The following SCAI variants were observed in gnomAD, a reference collection of about 807,000 sequenced individuals.
SCAI encodes suppressor of cancer cell invasion.
In SCAI, 24 loss-of-function variants were observed where a neutral mutation model predicts 92.2. The ratio of observed to expected loss-of-function variants is 0.26; its 90% CI spans 0.19 to 0.37. The LOEUF is 0.37. Among genes scored for constraint, SCAI ranks in the 10% least tolerant of loss-of-function variants. SCAI has a pLI of 1.00. For synonymous variants in SCAI, 261 were observed against 258.6 expected (o/e 1.01, Z -0.09); for missense variants, 450 against 736.2 (o/e 0.61, Z 4.50).
At chr9:125,036,957 C>T (rs1229433158) in intron 3 of SCAI, among the ~76,000 whole-genome samples, 3 of 152,078 alleles carry the variant, frequency 2.0e-5, no homozygotes, top group Non-Finnish European at 4.4e-5. Flanking sequence ...CTTACCTCTT[C>T]AAAACATTTT....
chr9:124,948,762 G>A lies in SCAI; in HGVS notation c.*4045C>T, dbSNP rs1222409865. Reference sequence around the variant, plus strand: ...CTATGTTGTTTACAGTGATAGTTAAGAGAGATGAGAGACTATCAGAATCTC... The same window carrying A: ...CTATGTTGTTTACAGTGATAGTTAAAAGAGATGAGAGACTATCAGAATCTC... On this transcript the variant is annotated 3_prime_UTR_variant, in exon 18 of 18. Transcript: ENST00000336505. 1 of 152,206 alleles carries A rather than the reference G, an allele frequency of 6.6e-6. No homozygotes were observed. The highest frequency in any genetic ancestry group is 1.5e-5 in the Non-Finnish European group (1 of 68,038). The allele number at this position is 152,206 out of a possible 1,614,324, so 9.4% of individuals were successfully genotyped here. A position where few individuals can be genotyped will look rare whatever the true frequency, so the allele number is the denominator to read the frequency against.
chr9:125,042,863 T>G (rs990633547), intron 3 of SCAI, among the ~76,000 whole-genome samples: 50 of 104,862 alleles, frequency 4.8e-4, no homozygotes, highest in East Asian at 3.5e-3. Context: ...CCTGGCTTTT[T>G]TTTTTTTTTT....
intron 2 of SCAI, among the ~76,000 whole-genome samples, chr9:125,109,618 A>T (rs1834890851): frequency 1.3e-5 from 2 of 152,172 alleles, no homozygotes; most frequent in Admixed American, 6.5e-5. Flanking sequence ...GCCCAAATGA[A>T]CTACTGAAGC....
At chr9:124,976,880 CT>C (rs1056203460) in intron 14 of SCAI, among the ~76,000 whole-genome samples, 38 of 146,822 alleles carry the variant, frequency 2.6e-4, no homozygotes, top group Non-Finnish European at 2.1e-4. Context: ...ATACCATGTT[CT>C]TTTTTTTTTT....
chr9:125,081,265 A>G (rs1834210961), intron 2 of SCAI, among the ~76,000 whole-genome samples: 1 of 152,226 alleles, frequency 6.6e-6, no homozygotes, highest in African/African-American at 2.4e-5. Flanking sequence ...AGAAGAAGAC[A>G]GGAAAATGTG....
At chr9:124,997,132 A>T (rs1260027341) in intron 13 of SCAI, among the ~76,000 whole-genome samples, 1 of 152,136 alleles carries the variant, frequency 6.6e-6, no homozygotes, top group Non-Finnish European at 1.5e-5. Flanking sequence ...CAGTATTCCT[A>T]ATCTGAAAAT....
chr9:125,017,022 A>G (rs958140432), intron 9 of SCAI, among the ~76,000 whole-genome samples: 1 of 152,122 alleles, frequency 6.6e-6, no homozygotes, highest in African/African-American at 2.4e-5. Flanking sequence ...GCAAGACAAG[A>G]GTAGGAGAAG....
At chr9:125,138,659 C>T (rs1253066815) in intron 2 of SCAI, among the ~76,000 whole-genome samples, 2 of 152,072 alleles carry the variant, frequency 1.3e-5, no homozygotes, top group Non-Finnish European at 2.9e-5. Context: ...TGTGATCCGC[C>T]CGCCTTGGCC....
intron 5 of SCAI, among the ~76,000 whole-genome samples, chr9:125,028,038 A>G (rs2131085629): frequency 6.6e-6 from 1 of 152,332 alleles, no homozygotes; most frequent in South Asian, 2.1e-4. Flanking sequence ...AAAACCATTC[A>G]TTCACATATA....
At chr9:125,108,900 G>A (rs1834874499) in intron 2 of SCAI, among the ~76,000 whole-genome samples, 2 of 152,224 alleles carry the variant, frequency 1.3e-5, no homozygotes, top group South Asian at 2.1e-4. Flanking sequence ...TGACGATGGC[G>A]GTTTTGTCAA....
At chr9:125,067,675 A>G (rs574421301) in intron 2 of SCAI, among the ~76,000 whole-genome samples, 1 of 152,156 alleles carries the variant, frequency 6.6e-6, no homozygotes, top group Non-Finnish European at 1.5e-5. Context: ...CCAGCTTGTC[A>G]TTTCTCATTT....
intron 2 of SCAI, among the ~76,000 whole-genome samples, chr9:125,058,647 C>T (rs764642463): frequency 2.6e-5 from 4 of 152,180 alleles, no homozygotes; most frequent in South Asian, 2.1e-4. Context: ...CTACTGAGAG[C>T]GCCTTGGAGC....
chr9:124,960,693 A>G (rs1831419511), intron 17 of SCAI, among the ~76,000 whole-genome samples: 1 of 152,232 alleles, frequency 6.6e-6, no homozygotes, highest in South Asian at 2.1e-4. Flanking sequence ...AGGAGGATAG[A>G]AGGAACAATC....
chr9:125,034,561 C>A (rs1298340788), intron 3 of SCAI, among the ~76,000 whole-genome samples: 1 of 152,030 alleles, frequency 6.6e-6, no homozygotes, highest in Non-Finnish European at 1.5e-5. Context: ...CATGGCAAAA[C>A]ACAGTCTCTA....
chr9:125,073,339 C>T (rs372033788), intron 2 of SCAI, among the ~76,000 whole-genome samples: 2 of 151,256 alleles, frequency 1.3e-5, no homozygotes, highest in East Asian at 3.9e-4. Flanking sequence ...CTCCTGACCT[C>T]GTGATCCACC....
chr9:124,998,616 T>C (rs756932824), intron 13 of SCAI, among the ~76,000 whole-genome samples: 1 of 152,162 alleles, frequency 6.6e-6, no homozygotes, highest in Admixed American at 6.6e-5. Flanking sequence ...TAATATGTTA[T>C]ATAGTTTTTA....
intron 14 of SCAI, among the ~76,000 whole-genome samples, chr9:124,981,151 A>C (rs981200026): frequency 6.6e-6 from 1 of 152,192 alleles, no homozygotes; most frequent in African/African-American, 2.4e-5. Flanking sequence ...CAAATGAATA[A>C]ATTTGAACCA....
chr9:124,960,075 G>A (rs568899121), intron 17 of SCAI, among the ~76,000 whole-genome samples: 10 of 152,060 alleles, frequency 6.6e-5, no homozygotes, highest in Admixed American at 3.3e-4. Context: ...TGGGTCAAAC[G>A]GTATTTCTAG....
At chr9:125,110,217 T>C (rs1328813098) in intron 2 of SCAI, among the ~76,000 whole-genome samples, 1 of 152,214 alleles carries the variant, frequency 6.6e-6, no homozygotes, top group African/African-American at 2.4e-5. Context: ...AGATCATTTG[T>C]CTTCATAGAA....
Sources: gnomAD v4.1 joint callset for allele counts (sites outside exome capture counted in the v4.1 genomes callset) on GRCh38, gnomAD v4.1.1 for gene constraint, MANE v1.5 for transcripts, NCBI Gene and HGNC (gene_info 2026-07-23, HGNC 2026-07-21) for gene names.